KCNIP4: variants seen among roughly 807,000 people sequenced by gnomAD.
The protein encoded by KCNIP4 is Kv channel-interacting protein 4.
A neutral mutation model predicts 34.0 loss-of-function variants in KCNIP4; 12 were observed. The ratio of observed to expected loss-of-function variants is 0.35; its 90% confidence interval spans 0.23 to 0.57. KCNIP4 has a LOEUF of 0.57. Ranked by LOEUF, KCNIP4 falls within the 20% of genes least tolerant of loss-of-function variation. The pLI, the probability that KCNIP4 is intolerant of heterozygous loss-of-function variation, is 0.83. For missense variants in KCNIP4, 238 were observed against 311.7 expected (o/e 0.76, Z 1.78); for synonymous variants, 124 against 102.2 (o/e 1.21, Z -1.29).
At chr4:20,739,499 G>T (rs557776060) in intron 5 of KCNIP4, among the ~76,000 whole-genome samples, 1 of 152,208 alleles carries the variant, frequency 6.6e-6, no homozygotes, top group South Asian at 2.1e-4. Context: ...TGCAGCTGAG[G>T]GTCCTGACTG....
At chr4:21,237,917 A>T (rs1243771455) in intron 1 of KCNIP4, among the ~76,000 whole-genome samples, 2 of 152,190 alleles carry the variant, frequency 1.3e-5, no homozygotes, top group African/African-American at 4.8e-5. Flanking sequence ...CCTGGCAGAG[A>T]TACAACAAAA....
chr4:21,306,524 G>A (rs1712484571), intron 1 of KCNIP4, among the ~76,000 whole-genome samples: 1 of 152,122 alleles, frequency 6.6e-6, no homozygotes, highest in Non-Finnish European at 1.5e-5. Flanking sequence ...TTACATGCAT[G>A]GGCTACCGCA....
At chr4:21,105,950 T>C (rs991341652) in intron 1 of KCNIP4, among the ~76,000 whole-genome samples, 4 of 151,476 alleles carry the variant, frequency 2.6e-5, no homozygotes, top group Non-Finnish European at 5.9e-5. Context: ...TGAAGCCCAC[T>C]TGATCATGGT....
chr4:21,614,009 G>A (rs952059313), intron 1 of KCNIP4, among the ~76,000 whole-genome samples: 1 of 151,888 alleles, frequency 6.6e-6, no homozygotes, highest in Non-Finnish European at 1.5e-5. Flanking sequence ...AAATTAGCCA[G>A]GCGTGGTAGC....
At chr4:21,779,287 C>T (rs757490521) in intron 1 of KCNIP4, among the ~76,000 whole-genome samples, 3 of 152,056 alleles carry the variant, frequency 2.0e-5, no homozygotes, top group Non-Finnish European at 4.4e-5. Flanking sequence ...AGGATGATAA[C>T]TCTATTAGCA....
chr4:21,069,722 T>C (rs1364505571), intron 1 of KCNIP4, among the ~76,000 whole-genome samples: 1 of 152,246 alleles, frequency 6.6e-6, no homozygotes, highest in African/African-American at 2.4e-5. Context: ...AGAGCAAATC[T>C]TATTTTTTCA....
intron 1 of KCNIP4, among the ~76,000 whole-genome samples, chr4:21,691,691 CTTTTTTTTTT>C (rs36004947): frequency 4.8e-5 from 5 of 103,154 alleles, no homozygotes; most frequent in African/African-American, 1.0e-4. Context: ...AAACGCAGCT[CTTTTTTTTTT>C]TTTTTTTTTT....
At chr4:21,048,234 T>C (rs899622218) in intron 1 of KCNIP4, among the ~76,000 whole-genome samples, 2 of 152,222 alleles carry the variant, frequency 1.3e-5, no homozygotes, top group Non-Finnish European at 2.9e-5. Context: ...GTGCTTTCCT[T>C]ATAGCCTGAT....
intron 1 of KCNIP4, among the ~76,000 whole-genome samples, chr4:21,710,257 G>T (rs939936924): frequency 6.6e-6 from 1 of 152,038 alleles, no homozygotes; most frequent in African/African-American, 2.4e-5. Flanking sequence ...GTTTCCTAAG[G>T]ATTCATTTCC....
intron 3 of KCNIP4, among the ~76,000 whole-genome samples, chr4:20,792,795 G>A (rs968647922): frequency 2.6e-5 from 4 of 152,066 alleles, no homozygotes; most frequent in African/African-American, 9.7e-5. Flanking sequence ...AGAAATAGAT[G>A]CATCAAAATA....
At chr4:21,098,607 C>A (rs186261486) in intron 1 of KCNIP4, among the ~76,000 whole-genome samples, 1 of 152,182 alleles carries the variant, frequency 6.6e-6, no homozygotes, top group East Asian at 1.9e-4. Flanking sequence ...ATATGTTAAG[C>A]CTGCTGTTGG....
chr4:20,995,465 C>T (rs1360661295), intron 1 of KCNIP4, among the ~76,000 whole-genome samples: 1 of 152,090 alleles, frequency 6.6e-6, no homozygotes, highest in African/African-American at 2.4e-5. Flanking sequence ...GCCCATTTGA[C>T]CAATAAACTG....
intron 1 of KCNIP4, among the ~76,000 whole-genome samples, chr4:21,868,706 C>T (rs1725578395): frequency 2.0e-5 from 3 of 152,198 alleles, no homozygotes; most frequent in South Asian, 4.1e-4. Context: ...AATTGACTGT[C>T]GATTTGGAGA....
chr4:21,370,830 TATATATATATATATATATATAC>T lies in KCNIP4; in HGVS notation c.62-488143_62-488122del, dbSNP rs1473618468. Among the ~76,000 whole-genome samples the T allele has an allele frequency of 9.1e-4, 30 of 33,084 alleles. No homozygotes were observed. In the East Asian group the frequency reaches 0.011, roughly 12 times the overall value. The allele number at this position is 33,084 out of a possible 152,430, so 21.7% of individuals were successfully genotyped here. On this transcript the variant is annotated intron_variant, in intron 1 of 8. Coordinates refer to ENST00000382152, the MANE Select transcript of KCNIP4 (RefSeq NM_025221.6). ...ATATATATATATATATATATATATA[TATATATATATATATATATATAC>T]ACACACACACACACACACACACACA... is the stretch of plus-strand genomic sequence containing the variant.
intron 1 of KCNIP4, among the ~76,000 whole-genome samples, chr4:21,696,192 T>C (rs1280362866): frequency 1.3e-5 from 2 of 151,004 alleles, no homozygotes; most frequent in Non-Finnish European, 2.9e-5. Context: ...AATCATTTGA[T>C]TGTCAGTTAC....
At chr4:21,641,938 C>T (rs528204015) in intron 1 of KCNIP4, among the ~76,000 whole-genome samples, 1 of 152,254 alleles carries the variant, frequency 6.6e-6, no homozygotes, top group South Asian at 2.1e-4. Context: ...CAGCCAGCTA[C>T]CTGGTGGCAG....
At chr4:21,701,161 A>G (rs1220279218) in intron 1 of KCNIP4, among the ~76,000 whole-genome samples, 2 of 152,216 alleles carry the variant, frequency 1.3e-5, no homozygotes, top group South Asian at 2.1e-4. Context: ...AGCACAGAAC[A>G]ACGAATATAG....
chr4:21,281,460 C>A (rs931785379), intron 1 of KCNIP4, among the ~76,000 whole-genome samples: 8 of 152,080 alleles, frequency 5.3e-5, no homozygotes, highest in African/African-American at 1.9e-4. Context: ...CATACATGGA[C>A]TGAAATAAAA....
intron 5 of KCNIP4, among the ~76,000 whole-genome samples, chr4:20,743,582 A>C (rs1751693150): frequency 6.6e-6 from 1 of 152,198 alleles, no homozygotes; most frequent in African/African-American, 2.4e-5. Context: ...GAAAGCTGAA[A>C]CTGGATCCCT....
Sources: allele counts gnomAD v4.1 joint callset (sites outside exome capture counted in the v4.1 genomes callset), GRCh38; gene constraint gnomAD v4.1.1; transcripts MANE v1.5; gene names NCBI Gene and HGNC (gene_info 2026-07-23, HGNC 2026-07-21).